CEP43: variants seen among roughly 807,000 people sequenced by gnomAD.
CEP43 encodes the protein centrosomal protein 43, also known as FGFR1 oncogene partner.
A neutral mutation model predicts 52.6 loss-of-function variants in CEP43; 36 were observed. The ratio of observed to expected loss-of-function variants is 0.68; its 90% CI spans 0.52 to 0.90. CEP43 has a LOEUF of 0.90. CEP43 is among the 40% of genes least tolerant of loss of function. The pLI is 0.00. For synonymous variants in CEP43, 192 were observed against 172.4 expected (o/e 1.11, Z -0.89); for missense variants, 506 against 472.8 (o/e 1.07, Z -0.65).
In CEP43 at chr6:167,003,607, C is replaced by T. The variant is rs1249428298; in HGVS notation, c.212-116C>T. The T allele has an allele frequency of 2.0e-5, 13 of 640,044 alleles. No individual in the cohort carries two copies. In the South Asian group the frequency reaches 2.8e-4, roughly 14 times the overall value. The allele number at this position is 640,044 out of a possible 1,614,324, so 39.6% of individuals were successfully genotyped here. ...TATTATTCAAAGAGGAAATTTGTAA[C>T]TTAAAAAATTTAGAAACCTTTCTTC... On this transcript the variant is annotated intron_variant, in intron 3 of 12. Coordinates refer to ENST00000366847, the MANE Select transcript of CEP43 (RefSeq NM_007045.4).
intron 12 of CEP43, among the ~76,000 whole-genome samples, chr6:167,038,334 G>C (rs1780624905): frequency 6.6e-6 from 1 of 150,414 alleles, no homozygotes; most frequent in African/African-American, 2.4e-5. Flanking sequence ...GCTTCAGGTG[G>C]CACAGTGTTA....
At chr6:167,009,982 T>A (rs1212072112) in intron 5 of CEP43, among the ~76,000 whole-genome samples, 1 of 152,196 alleles carries the variant, frequency 6.6e-6, no homozygotes, top group Non-Finnish European at 1.5e-5. Context: ...AAGGCCAGTT[T>A]AAGGATTTTA....
rs747048444 is a variant in CEP43 at position 167,010,867 on chromosome 6, A to C, written c.493A>C (p.Thr165Pro). The change falls in exon 6 of 13, where the codon ACA becomes CCA. Residue 165 changes from threonine (T) to proline (P), a missense_variant. Thr to Pro is a conservative substitution (Grantham distance 38). Transcript: ENST00000366847. ...TCCACCAAAGTCACCAGAGGGAAAA[A>C]CAAGTGCACAGACAACACCAAGTAA... is the stretch of plus-strand genomic sequence containing the variant. ...HSPPKSPEGK[T>P]SAQTTPSKIP... 1.2e-6 allele frequency: 2 copies of C among 1,600,348 alleles called. No individual in the cohort carries two copies. The highest frequency in any genetic ancestry group is 1.3e-5 in the African/African-American group (1 of 74,320).
intron 6 of CEP43, among the ~76,000 whole-genome samples, chr6:167,012,299 A>G (rs1780003635): frequency 6.6e-6 from 1 of 152,114 alleles, no homozygotes; most frequent in Non-Finnish European, 1.5e-5. Flanking sequence ...CAAAGAAACA[A>G]CTATTGTATT....
chr6:167,028,322 T>G, intron 10 of CEP43: 2 of 985,384 alleles, frequency 2.0e-6, no homozygotes, highest in Non-Finnish European at 2.4e-6. Flanking sequence ...GCTGCAGAGT[T>G]GCTGGGTACA....
At chr6:167,004,156 GTCTCTTTGAGTTTAAAGATGTCTTTAAAC>G in intron 4 of CEP43, 79 bp from the exon 5 acceptor site, 1 of 1,174,642 alleles carries the variant, frequency 8.5e-7, no homozygotes, top group Middle Eastern at 2.1e-4. Flanking sequence ...TAGTAAGACA[GTCTCTTTGAGTTTAAAGATGTCTTTAAAC>G]TCTGAAAATA....
At chr6:167,024,697 A>C in intron 8 of CEP43, 85 bp from the exon 9 acceptor site, 3 of 881,050 alleles carry the variant, frequency 3.4e-6, no homozygotes, top group Non-Finnish European at 5.5e-6. Flanking sequence ...AAATATCTTT[A>C]AGTTGCTTTT....
chr6:167,029,169 G>C (rs1230890916), intron 10 of CEP43, among the ~76,000 whole-genome samples: 9 of 152,220 alleles, frequency 5.9e-5, no homozygotes, highest in Non-Finnish European at 1.2e-4. Context: ...AGGCAAGAAT[G>C]AAAGTAAGGA....
chr6:167,001,191 A>G (rs553459663), intron 2 of CEP43, among the ~76,000 whole-genome samples: 3 of 152,104 alleles, frequency 2.0e-5, no homozygotes, highest in African/African-American at 4.8e-5. Flanking sequence ...ACCTGTGTCT[A>G]TGTTTATCTG....
intron 12 of CEP43, among the ~76,000 whole-genome samples, chr6:167,035,585 TAGAC>T (rs1780566457): frequency 6.6e-6 from 1 of 151,610 alleles, no homozygotes; most frequent in Non-Finnish European, 1.5e-5. Context: ...TTTTTTTTTT[TAGAC>T]AGAGTCTTGC....
intron 7 of CEP43, among the ~76,000 whole-genome samples, chr6:167,020,725 A>G (rs554790412): frequency 2.4e-4 from 36 of 152,258 alleles, no homozygotes; most frequent in African/African-American, 8.4e-4. Flanking sequence ...CGTGGCCAAC[A>G]TGTTGAAACC....
chr6:167,003,187 T>G lies in CEP43; in HGVS notation c.157-6T>G. ...CATGACACTTAAATTTTTTTTTTTT[T>G]AACAGAACAAAACTCCTTTAGTTAA... On this transcript the variant is annotated splice_polypyrimidine_tract_variant and splice_region_variant and intron_variant, in intron 2 of 12. Transcript: ENST00000366847. 3 of 1,370,150 alleles carry G rather than the reference T, an allele frequency of 2.2e-6. No individual in the cohort carries two copies. Among genetic ancestry groups the G allele is most frequent in the Non-Finnish European group, 3.0e-6 (3 of 996,490 alleles). 84.9% of individuals were successfully genotyped at this position (1,370,150 alleles called of 1,614,324 possible).
rs190301393 is a variant in CEP43, at chr6:167,048,970, C to T, written c.*8992C>T. On this transcript the variant is annotated 3_prime_UTR_variant, in exon 13 of 13. Coordinates refer to ENST00000366847, the MANE Select transcript of CEP43 (RefSeq NM_007045.4). ...TAAAGACTGATGAAACCCTTAAAAC[C>T]TCTCAAGAATTAAAAATCATTTTTG... 3 of 152,270 alleles carry T rather than the reference C, an allele frequency of 2.0e-5. No homozygotes were observed. The highest frequency in any genetic ancestry group is 6.5e-5 in the Admixed American group (1 of 15,292). The allele number at this position is 152,270 out of a possible 1,614,324, so 9.4% of individuals were successfully genotyped here. A position where few individuals can be genotyped will look rare whatever the true frequency, so the allele number is the denominator to read the frequency against.
intron 10 of CEP43, 40 bp from the exon 11 acceptor site, chr6:167,032,563 C>G: frequency 6.7e-7 from 1 of 1,484,766 alleles, no homozygotes; most frequent in Non-Finnish European, 9.0e-7. Flanking sequence ...TAAATTGTGA[C>G]GCACATTAGA....
At chr6:167,028,662 A>G (rs1416306667) in intron 10 of CEP43, 3 of 227,978 alleles carry the variant, frequency 1.3e-5, no homozygotes, top group Non-Finnish European at 2.2e-5. Flanking sequence ...TATTTAATTC[A>G]TATCCTATGA....
At chr6:167,032,486 G>T in intron 10 of CEP43, 117 bp from the exon 11 acceptor site, 1 of 850,098 alleles carries the variant, frequency 1.2e-6, no homozygotes, top group Non-Finnish European at 1.7e-6. Flanking sequence ...GTTATTTCTA[G>T]TCTGGGACTT....
chr6:167,040,963 T>C lies in CEP43; in HGVS notation c.*985T>C, dbSNP rs529537519. The C allele has an allele frequency of 1.1e-4, 110 of 1,025,816 alleles. No homozygotes were observed. In the South Asian group the frequency reaches 4.6e-3, roughly 43 times the overall value. The allele number at this position is 1,025,816 out of a possible 1,614,324, so 63.5% of individuals were successfully genotyped here. A position where few individuals can be genotyped will look rare whatever the true frequency, so the allele number is the denominator to read the frequency against. On this transcript the variant is annotated 3_prime_UTR_variant, in exon 13 of 13. Transcript: ENST00000366847. ...ATTTATACGGTTAAAGCATTATTGC[T>C]ATTATGTAGGTCACGGATGTTTATA... is the stretch of plus-strand genomic sequence containing the variant.
chr6:167,009,924 G>A (rs1360758950), intron 5 of CEP43, among the ~76,000 whole-genome samples: 2 of 152,098 alleles, frequency 1.3e-5, no homozygotes, highest in Non-Finnish European at 2.9e-5. Flanking sequence ...TAATATTTTG[G>A]CATGGGGCAA....
intron 6 of CEP43, among the ~76,000 whole-genome samples, chr6:167,012,381 A>T (rs944212175): frequency 1.3e-5 from 2 of 151,516 alleles, no homozygotes; most frequent in African/African-American, 4.9e-5. Flanking sequence ...TTTTTTTCCT[A>T]AATACTCATA....
Sources: gnomAD v4.1 joint callset for allele counts (sites outside exome capture counted in the v4.1 genomes callset) on GRCh38, gnomAD v4.1.1 for gene constraint, MANE v1.5 for transcripts, NCBI Gene and HGNC (gene_info 2026-07-23, HGNC 2026-07-21) for gene names.